The following DAB1 variants were observed in gnomAD, a reference collection of about 807,000 sequenced individuals.
DAB1 encodes DAB adaptor protein 1, also known as disabled homolog 1.
A neutral mutation model predicts 64.6 loss-of-function variants in DAB1; 15 were observed. The observed-to-expected ratio is 0.23, with a 90% CI of 0.16 to 0.36. The LOEUF is 0.36. Ranked by LOEUF, DAB1 falls within the 10% of genes least tolerant of loss-of-function variation. DAB1 has a pLI of 1.00. For synonymous variants in DAB1, 235 were observed against 251.9 expected (o/e 0.93, Z 0.64); for missense variants, 596 against 706.7 (o/e 0.84, Z 1.78).
intron 1 of DAB1, among the ~76,000 whole-genome samples, chr1:57,363,051 C>T (rs995007703): frequency 1.3e-5 from 2 of 152,172 alleles, no homozygotes; most frequent in African/African-American, 4.8e-5. Context: ...ATGAATTTGC[C>T]CTGTAATTTC....
intron 5 of DAB1, among the ~76,000 whole-genome samples, chr1:58,075,700 G>A (rs910047693): frequency 2.6e-5 from 4 of 152,112 alleles, no homozygotes; most frequent in African/African-American, 9.7e-5. Context: ...AAATGCAGCT[G>A]GGCTTCAAGA....
chr1:58,302,123 T>C (rs989102074), intron 4 of DAB1, among the ~76,000 whole-genome samples: 6 of 152,200 alleles, frequency 3.9e-5, no homozygotes, highest in East Asian at 3.9e-4. Flanking sequence ...AGTTTTGAAA[T>C]TGGTGTACAC....
chr1:57,067,966 G>C (rs1651086532), intron 8 of DAB1, among the ~76,000 whole-genome samples: 1 of 152,150 alleles, frequency 6.6e-6, no homozygotes, highest in Non-Finnish European at 1.5e-5. Flanking sequence ...CTTAGCCAAA[G>C]GTAGTTGGTA....
intron 6 of DAB1, among the ~76,000 whole-genome samples, chr1:57,718,390 C>T (rs953726219): frequency 1.1e-4 from 16 of 151,994 alleles, no homozygotes; most frequent in South Asian, 4.2e-4. Context: ...TGATGCTGAA[C>T]GGGGAGGAAT....
intron 7 of DAB1, among the ~76,000 whole-genome samples, chr1:57,561,470 G>A (rs962290377): frequency 6.6e-6 from 1 of 152,202 alleles, no homozygotes; most frequent in Non-Finnish European, 1.5e-5. Flanking sequence ...AGGCATGATT[G>A]GAAAATTGGT....
In DAB1 at chr1:57,159,538, TACA is replaced by T. The variant is rs1299996127; in HGVS notation, c.68-14112_68-14110del. Reference sequence around the variant, plus strand: ...TTAAATTTGTTTTCTGTGTATCCCATACAACAAGAACAGTCATTGGCATACAGT... The same window carrying T: ...TTAAATTTGTTTTCTGTGTATCCCATACAAGAACAGTCATTGGCATACAGT... On this transcript the variant is annotated intron_variant, in intron 2 of 14. Coordinates refer to ENST00000371236, the MANE Select transcript of DAB1 (RefSeq NM_001365792.1). Among the ~76,000 whole-genome samples, 3 of 152,284 alleles carry T rather than the reference TACA, an allele frequency of 2.0e-5. No individual in the cohort carries two copies. The East Asian group carries it at 5.8e-4, about 29-fold the overall frequency.
chr1:58,368,627 A>G (rs969767212), intron 3 of DAB1, among the ~76,000 whole-genome samples: 2 of 152,158 alleles, frequency 1.3e-5, no homozygotes, highest in African/African-American at 4.8e-5. Flanking sequence ...CAGTGAGAAG[A>G]TGCAGTAAAC....
chr1:58,147,385 G>A (rs550038048), intron 5 of DAB1, among the ~76,000 whole-genome samples: 58 of 150,384 alleles, frequency 3.9e-4, no homozygotes, highest in Middle Eastern at 3.5e-3. Flanking sequence ...TCGGGAGGCC[G>A]AGGCAGGCGG....
intron 2 of DAB1, among the ~76,000 whole-genome samples, chr1:57,227,072 G>A (rs1248898431): frequency 3.9e-5 from 6 of 151,990 alleles, no homozygotes; most frequent in Non-Finnish European, 8.8e-5. Context: ...GCTACTTGGA[G>A]GCAAAGGGGG....
At chr1:57,344,680 G>C (rs544389176) in intron 1 of DAB1, among the ~76,000 whole-genome samples, 3 of 152,124 alleles carry the variant, frequency 2.0e-5, no homozygotes, top group African/African-American at 7.2e-5. Flanking sequence ...ATACATCTGT[G>C]CTCGTGTGTA....
chr1:57,830,443 C>G (rs1201537284), intron 1 of DAB1, among the ~76,000 whole-genome samples: 1 of 152,120 alleles, frequency 6.6e-6, no homozygotes, highest in African/African-American at 2.4e-5. Flanking sequence ...GGCAACAGAG[C>G]AAGTAGTAGA....
chr1:58,108,995 A>AG (rs1651818279), intron 5 of DAB1, among the ~76,000 whole-genome samples: 1 of 152,184 alleles, frequency 6.6e-6, no homozygotes, highest in African/African-American at 2.4e-5. Context: ...AGGCATTGGA[A>AG]AGTACCTGAA....
At chr1:57,150,336 C>G (rs1305189482) in intron 2 of DAB1, among the ~76,000 whole-genome samples, 2 of 152,220 alleles carry the variant, frequency 1.3e-5, no homozygotes, top group Non-Finnish European at 2.9e-5. Flanking sequence ...TTTGTACTGA[C>G]ACTGTTGTTA....
intron 2 of DAB1, among the ~76,000 whole-genome samples, chr1:57,274,200 T>A (rs1420192055): frequency 6.6e-6 from 1 of 152,166 alleles, no homozygotes; most frequent in Non-Finnish European, 1.5e-5. Flanking sequence ...CTGTTAAAAA[T>A]TAAAACTCAG....
intron 3 of DAB1, among the ~76,000 whole-genome samples, chr1:58,418,364 A>G (rs1457770690): frequency 2.0e-5 from 3 of 152,118 alleles, no homozygotes; most frequent in South Asian, 2.1e-4. Context: ...GTCAGCCTCG[A>G]TCACACTCCT....
intron 3 of DAB1, among the ~76,000 whole-genome samples, chr1:58,399,254 T>C (rs1644550453): frequency 6.6e-6 from 1 of 152,240 alleles, no homozygotes; most frequent in East Asian, 1.9e-4. Flanking sequence ...TCTGTGACCT[T>C]TCCCTGACAA....
intron 7 of DAB1, among the ~76,000 whole-genome samples, chr1:57,494,560 G>C (rs373550010): frequency 1.3e-5 from 2 of 152,202 alleles, no homozygotes; most frequent in Non-Finnish European, 2.9e-5. Context: ...CCATAGAAGA[G>C]AGAGTCCTTC....
chr1:57,688,393 A>G (rs1198576379), intron 6 of DAB1, among the ~76,000 whole-genome samples: 3 of 152,192 alleles, frequency 2.0e-5, no homozygotes, highest in Admixed American at 6.5e-5. Flanking sequence ...CAGAATGGCT[A>G]TTATTAAAAA....
rs369238888 is a variant in DAB1, at chr1:58,292,341, G to A, written n.309+51011C>T. Among the ~76,000 whole-genome samples the A allele has an allele frequency of 5.8e-4, 89 of 152,172 alleles. 3 individuals carry two copies. In the South Asian group the frequency reaches 0.011, roughly 20 times the overall value. ...GAGAAAATCAGAAAGAGACAGTTAT[G>A]CACACACCATATCAAGAAAAAAAGT... On this transcript the variant is annotated intron_variant and non_coding_transcript_variant, in intron 4 of 20. Transcript: ENST00000485760.
Sources: gnomAD v4.1 joint callset for allele counts (sites outside exome capture counted in the v4.1 genomes callset) on GRCh38, gnomAD v4.1.1 for gene constraint, MANE v1.5 for transcripts, NCBI Gene and HGNC (gene_info 2026-07-23, HGNC 2026-07-21) for gene names.